The following RBMS1 variants were observed in gnomAD, a reference collection of about 807,000 sequenced individuals.
RBMS1 encodes RNA-binding motif, single-stranded-interacting protein 1.
Under a neutral mutation model 62.3 loss-of-function variants are expected in RBMS1, and 17 were observed. That is an observed-to-expected ratio of 0.27 (90% CI 0.19 to 0.41). RBMS1 has a LOEUF of 0.41. RBMS1 is among the 10% of genes least tolerant of loss of function. The pLI is 1.00. For missense variants in RBMS1, 334 were observed against 504.5 expected (o/e 0.66, Z 3.24); for synonymous variants, 172 against 170.0 (o/e 1.01, Z -0.09).
intron 2 of RBMS1, among the ~76,000 whole-genome samples, chr2:160,332,178 G>C (rs1691313115): frequency 1.3e-5 from 2 of 152,120 alleles, no homozygotes; most frequent in Admixed American, 1.3e-4. Flanking sequence ...GTTGGGGATA[G>C]AGGCTTTGAT....
At chr2:160,408,035 C>T (rs187137049) in intron 1 of RBMS1, 1 of 638,964 alleles carries the variant, frequency 1.6e-6, no homozygotes, top group Non-Finnish European at 1.9e-6. Context: ...CCCCCGCGCT[C>T]TCCCTCCCGG....
At chr2:160,468,450 A>C (rs571842092) in intron 1 of RBMS1, among the ~76,000 whole-genome samples, 1 of 152,360 alleles carries the variant, frequency 6.6e-6, no homozygotes, top group African/African-American at 2.4e-5. Flanking sequence ...AATCTTGAGT[A>C]GGCGTTTTTA....
intron 1 of RBMS1, among the ~76,000 whole-genome samples, chr2:160,396,802 A>T (rs894298243): frequency 6.6e-6 from 1 of 151,978 alleles, no homozygotes; most frequent in South Asian, 2.1e-4. Context: ...TGACCTCGTA[A>T]TCCGCCCACC....
chr2:160,349,713 C>G (rs915595875), intron 2 of RBMS1, among the ~76,000 whole-genome samples: 3 of 151,612 alleles, frequency 2.0e-5, no homozygotes, highest in Non-Finnish European at 4.4e-5. Context: ...TATAAAGCAG[C>G]ATTTTATTCT....
chr2:160,475,761 T>C (rs1445819029), intron 1 of RBMS1, among the ~76,000 whole-genome samples: 2 of 152,182 alleles, frequency 1.3e-5, no homozygotes, highest in Non-Finnish European at 2.9e-5. Flanking sequence ...TATGTAGCCA[T>C]TTATTTTGCT....
chr2:160,300,180 G>C (rs1420543683), intron 6 of RBMS1, among the ~76,000 whole-genome samples: 1 of 152,150 alleles, frequency 6.6e-6, no homozygotes, highest in Non-Finnish European at 1.5e-5. Flanking sequence ...GAGTAAGTGT[G>C]ACATTGGAAT....
rs1687612347 is a variant in RBMS1 at position 160,272,188 on chromosome 2, A to G, written c.*2584T>C. The G allele has an allele frequency of 6.6e-6, 1 of 152,240 alleles. No homozygotes were observed. The highest frequency in any genetic ancestry group is 2.4e-5 in the African/African-American group (1 of 41,454). The allele number at this position is 152,240 out of a possible 1,614,324, so 9.4% of individuals were successfully genotyped here. A position where few individuals can be genotyped will look rare whatever the true frequency, so the allele number is the denominator to read the frequency against. On this transcript the variant is annotated 3_prime_UTR_variant, in exon 14 of 14. Coordinates refer to ENST00000348849, the MANE Select transcript of RBMS1 (RefSeq NM_016836.4). Reference sequence around the variant, plus strand: ...TGTTTTTTATTCAAAGGTTCTCAAAAGAAATAAAACAGAAAAGCTAACAAT... The same window carrying G: ...TGTTTTTTATTCAAAGGTTCTCAAAGGAAATAAAACAGAAAAGCTAACAAT...
intron 1 of RBMS1, among the ~76,000 whole-genome samples, chr2:160,464,596 A>G (rs1437182720): frequency 6.6e-6 from 1 of 152,198 alleles, no homozygotes; most frequent in Non-Finnish European, 1.5e-5. Flanking sequence ...ATCTGTTAAC[A>G]CTATCAGGTG....
chr2:160,311,636 T>G (rs1041127396), intron 4 of RBMS1, among the ~76,000 whole-genome samples: 1 of 151,282 alleles, frequency 6.6e-6, no homozygotes, highest in African/African-American at 2.4e-5. Flanking sequence ...ATAAAAGTAT[T>G]GCTCTTTTAA....
chr2:160,481,744 A>G (rs1424826212), intron 1 of RBMS1, among the ~76,000 whole-genome samples: 2 of 152,230 alleles, frequency 1.3e-5, no homozygotes, highest in South Asian at 4.1e-4. Flanking sequence ...GCCAATGAAT[A>G]TATTTTTAAA....
intron 1 of RBMS1, among the ~76,000 whole-genome samples, chr2:160,480,060 A>G (rs1685303724): frequency 6.6e-6 from 1 of 152,166 alleles, no homozygotes; most frequent in Non-Finnish European, 1.5e-5. Flanking sequence ...AGCATGTTTT[A>G]TTGCTTAGAA....
chr2:160,376,286 G>A lies in RBMS1; in HGVS notation c.76-8895C>T, dbSNP rs923016832. On this transcript the variant is annotated intron_variant, in intron 1 of 13. Transcript: ENST00000348849. The stretch of plus-strand genomic sequence containing the variant: ...TTATTTATTTATTCTTAGATCCAGC[G>A]GGACATGTGAATGACCTTGCAGTAC... Among the ~76,000 whole-genome samples the A allele has an allele frequency of 2.6e-5, 4 of 152,228 alleles. No homozygotes were observed. In the East Asian group the frequency reaches 5.8e-4, roughly 22 times the overall value.
chr2:160,331,560 A>G (rs1273918735), intron 2 of RBMS1, among the ~76,000 whole-genome samples: 1 of 152,222 alleles, frequency 6.6e-6, no homozygotes, highest in Non-Finnish European at 1.5e-5. Context: ...GTGCCTGAAA[A>G]TAATAAACAT....
intron 4 of RBMS1, among the ~76,000 whole-genome samples, chr2:160,311,242 A>ATATC (rs1469764112): frequency 3.9e-4 from 48 of 123,646 alleles, no homozygotes; most frequent in African/African-American, 9.3e-4. Context: ...CTATATATAT[A>ATATC]TATATATATA....
intron 1 of RBMS1, 79 bp downstream of exon 1, chr2:160,493,209 GC>G: frequency 2.2e-6 from 3 of 1,347,170 alleles, no homozygotes; most frequent in South Asian, 1.2e-5. Context: ...TTCGCCGCGC[GC>G]CCCCCTCCCC....
At chr2:160,462,771 AT>A (rs1684520782) in intron 1 of RBMS1, among the ~76,000 whole-genome samples, 1 of 151,920 alleles carries the variant, frequency 6.6e-6, no homozygotes, top group African/African-American at 2.4e-5. Context: ...TAATTTTTGT[AT>A]TTTTAGCAGA....
chr2:160,366,776 T>A (rs1693420058), intron 2 of RBMS1: 1 of 157,948 alleles, frequency 6.3e-6, no homozygotes, highest in South Asian at 1.8e-4. Context: ...ACTAATATGG[T>A]CCCAGCTGGA....
intron 1 of RBMS1, among the ~76,000 whole-genome samples, chr2:160,434,244 A>G (rs1212699792): frequency 1.3e-5 from 2 of 152,224 alleles, no homozygotes; most frequent in African/African-American, 4.8e-5. Flanking sequence ...TAGCTGATAC[A>G]GGATTCTAGT....
chr2:160,297,381 C>G (rs1233272621), intron 6 of RBMS1, among the ~76,000 whole-genome samples: 2 of 152,170 alleles, frequency 1.3e-5, no homozygotes, highest in Admixed American at 1.3e-4. Context: ...AATTTCCCCC[C>G]ACATGGTAGC....
Sources: allele counts gnomAD v4.1 joint callset (sites outside exome capture counted in the v4.1 genomes callset), GRCh38; gene constraint gnomAD v4.1.1; transcripts MANE v1.5; gene names NCBI Gene and HGNC (gene_info 2026-07-23, HGNC 2026-07-21).